The following PPFIA1 variants were observed in gnomAD, a reference collection of about 807,000 sequenced individuals.
PPFIA1 encodes liprin-alpha-1.
PPFIA1 carries 25 observed loss-of-function variants against 149.9 expected under a neutral mutation model. That is an observed-to-expected ratio of 0.17 (90% CI 0.12 to 0.23). The LOEUF is 0.23. PPFIA1 is among the 10% of genes least tolerant of loss of function. The pLI is 1.00. For synonymous variants in PPFIA1, 549 were observed against 552.8 expected (o/e 0.99, Z 0.10); for missense variants, 1,362 against 1,506.5 (o/e 0.90, Z 1.59).
intron 17 of PPFIA1, among the ~76,000 whole-genome samples, 176 bp downstream of exon 17, chr11:70,354,628 GA>G (rs1247554789): frequency 6.6e-6 from 1 of 152,128 alleles, no homozygotes; most frequent in Non-Finnish European, 1.5e-5. Context: ...GGGCTATAGT[GA>G]AATCCAGCAG....
At chr11:70,372,642 T>TTCC (rs1229766991) in intron 23 of PPFIA1, 68 bp downstream of exon 23, 7 of 1,294,862 alleles carry the variant, frequency 5.4e-6, no homozygotes, top group Middle Eastern at 2.6e-4. Flanking sequence ...CCTCAGTGAC[T>TTCC]TCCTATTTTT....
At chr11:70,277,690 C>T (rs962261941) in intron 2 of PPFIA1, among the ~76,000 whole-genome samples, 1 of 151,988 alleles carries the variant, frequency 6.6e-6, no homozygotes, top group Admixed American at 6.6e-5. Flanking sequence ...TGGGTTTCAC[C>T]ATGTTGGCCA....
intron 13 of PPFIA1, 109 bp downstream of exon 13, chr11:70,338,562 C>A (rs1027961082): frequency 1.2e-6 from 1 of 818,810 alleles, no homozygotes; most frequent in Non-Finnish European, 2.0e-6. Flanking sequence ...CCTCAAGGAG[C>A]CTGTAGCTTA....
At chr11:70,366,583 C>T (rs1238575554) in intron 21 of PPFIA1, among the ~76,000 whole-genome samples, 10 of 152,180 alleles carry the variant, frequency 6.6e-5, no homozygotes, top group African/African-American at 1.2e-4. Context: ...GCCGAAATGT[C>T]GTGCGACGCC....
chr11:70,337,386 G>C lies in PPFIA1; in HGVS notation c.1450G>C (p.Glu484Gln). The C allele has an allele frequency of 6.3e-7, 1 of 1,598,116 alleles. No homozygotes were observed. Among genetic ancestry groups the C allele is most frequent in the Non-Finnish European group, 8.5e-7 (1 of 1,171,842 alleles). The change falls in exon 12 of 28, where the codon GAA becomes CAA. Residue 484 changes from glutamate (E) to glutamine (Q), a missense_variant. Glu to Gln is a conservative substitution (Grantham distance 29, BLOSUM62 2). Transcript: ENST00000253925. The part of the protein sequence containing the change: ...EDKNSLLREV[E>Q]SAKKQLEETQ... Reference sequence around the variant, plus strand: ...TCAGAACTCTCTTTTAAGAGAAGTTGAAAGTGCAAAAAAGCAGTTAGAAGA... The same window carrying C: ...TCAGAACTCTCTTTTAAGAGAAGTTCAAAGTGCAAAAAAGCAGTTAGAAGA...
chr11:70,356,088 A>T, intron 18 of PPFIA1, 73 bp from the exon 19 acceptor site: 1 of 1,224,648 alleles, frequency 8.2e-7, no homozygotes, highest in African/African-American at 1.5e-5. Context: ...GCAAATATTC[A>T]TCTGCCTATT....
At chr11:70,276,286 T>A (rs1206752697) in intron 2 of PPFIA1, among the ~76,000 whole-genome samples, 3 of 151,444 alleles carry the variant, frequency 2.0e-5, no homozygotes, top group South Asian at 2.1e-4. Context: ...TTTTTTTTTT[T>A]AATTGCATAT....
At chr11:70,303,229 G>A (rs1359461654) in intron 2 of PPFIA1, among the ~76,000 whole-genome samples, 4 of 152,126 alleles carry the variant, frequency 2.6e-5, no homozygotes, top group Non-Finnish European at 4.4e-5. Flanking sequence ...CCGCGTGTTC[G>A]AGTGCTGCTC....
intron 2 of PPFIA1, among the ~76,000 whole-genome samples, chr11:70,313,888 C>CA (rs1283390875): frequency 6.6e-5 from 10 of 152,136 alleles, no homozygotes; most frequent in Non-Finnish European, 1.2e-4. Context: ...CATGGTGGCG[C>CA]ATGCCTGTGG....
intron 2 of PPFIA1, among the ~76,000 whole-genome samples, chr11:70,283,428 G>A (rs61177215): frequency 0.23 from 34,271 of 151,884 alleles, 5,980 homozygotes; most frequent in African/African-American, 0.49. Flanking sequence ...TGAAGCAGGG[G>A]GTACAAAACT....
intron 7 of PPFIA1, among the ~76,000 whole-genome samples, chr11:70,329,568 T>C (rs961082387): frequency 6.6e-6 from 1 of 152,186 alleles, no homozygotes; most frequent in Non-Finnish European, 1.5e-5. Context: ...TGTCTCAGAC[T>C]CCCAAGTACC....
intron 21 of PPFIA1, among the ~76,000 whole-genome samples, chr11:70,368,938 G>C (rs1421607983): frequency 1.3e-5 from 2 of 149,738 alleles, no homozygotes; most frequent in African/African-American, 5.0e-5. Flanking sequence ...TATCTTAGGA[G>C]AAACACAGTC....
At chr11:70,296,353 C>T (rs1435301012) in intron 2 of PPFIA1, among the ~76,000 whole-genome samples, 2 of 151,980 alleles carry the variant, frequency 1.3e-5, no homozygotes, top group South Asian at 2.1e-4. Flanking sequence ...GAGGTTGTAG[C>T]GAGCCGAGAT....
intron 2 of PPFIA1, among the ~76,000 whole-genome samples, chr11:70,321,972 C>T (rs1341145467): frequency 1.3e-5 from 2 of 152,298 alleles, no homozygotes; most frequent in African/African-American, 2.4e-5. Flanking sequence ...CGGGTTCAAG[C>T]GATTCTCCTG....
intron 7 of PPFIA1, among the ~76,000 whole-genome samples, chr11:70,328,353 G>A (rs982251670): frequency 2.0e-5 from 3 of 152,226 alleles, no homozygotes; most frequent in African/African-American, 4.8e-5. Context: ...CTGTTTCTGT[G>A]TTTGCTAAAG....
At chr11:70,284,448 T>C (rs1166409491) in intron 2 of PPFIA1, among the ~76,000 whole-genome samples, 1 of 152,208 alleles carries the variant, frequency 6.6e-6, no homozygotes, top group Non-Finnish European at 1.5e-5. Context: ...TCCTATTTTG[T>C]TGAGCCCTGT....
chr11:70,308,335 A>T (rs2053011473), intron 2 of PPFIA1, among the ~76,000 whole-genome samples: 1 of 152,254 alleles, frequency 6.6e-6, no homozygotes, highest in South Asian at 2.1e-4. Context: ...GGTGTGAGCC[A>T]CCACGCCTGG....
chr11:70,380,831 A>G (rs1417102042), intron 26 of PPFIA1, among the ~76,000 whole-genome samples: 1 of 151,994 alleles, frequency 6.6e-6, no homozygotes, highest in Non-Finnish European at 1.5e-5. Flanking sequence ...CAAGCCTGCT[A>G]AAGGGATTAT....
intron 26 of PPFIA1, among the ~76,000 whole-genome samples, chr11:70,381,502 C>T (rs1045886977): frequency 6.6e-6 from 1 of 152,204 alleles, no homozygotes. Context: ...GGCCAACGCC[C>T]CACCCCTGCA....
Sources: gnomAD v4.1 joint callset for allele counts (sites outside exome capture counted in the v4.1 genomes callset) on GRCh38, gnomAD v4.1.1 for gene constraint, MANE v1.5 for transcripts, NCBI Gene and HGNC (gene_info 2026-07-23, HGNC 2026-07-21) for gene names.